Variants in PACRG observed in about 807,000 individuals in gnomAD.
PACRG encodes parkin coregulated gene protein.
PACRG carries 29 observed loss-of-function variants against 29.7 expected under a neutral mutation model. That is an observed-to-expected ratio of 0.98 (90% CI 0.73 to 1.33). The LOEUF (loss-of-function observed/expected upper bound fraction) is 1.33. Among genes scored for constraint, PACRG ranks in the 40% most tolerant of loss-of-function variants. The pLI, the probability that PACRG is intolerant of heterozygous loss-of-function variation, is 0.00. For synonymous variants in PACRG, 116 were observed against 118.7 expected (o/e 0.98, Z 0.15); for missense variants, 279 against 316.2 (o/e 0.88, Z 0.89).
At chr6:162,909,459 G>A (rs1182329852) in intron 2 of PACRG, among the ~76,000 whole-genome samples, 1 of 150,738 alleles carries the variant, frequency 6.6e-6, no homozygotes, top group Non-Finnish European at 1.5e-5. Context: ...GGAGGCTGAG[G>A]CAGGAGAATG....
At chr6:162,865,511 C>G (rs73019550) in intron 2 of PACRG, among the ~76,000 whole-genome samples, 11 of 152,246 alleles carry the variant, frequency 7.2e-5, no homozygotes, top group Non-Finnish European at 1.5e-4. Flanking sequence ...GCCTTTTAAA[C>G]TTTCTAAAGA....
chr6:163,156,098 C>A (rs1778303158), intron 4 of PACRG, among the ~76,000 whole-genome samples: 1 of 152,224 alleles, frequency 6.6e-6, no homozygotes, highest in South Asian at 2.1e-4. Flanking sequence ...GGGAAAGTTT[C>A]TCCCATCTGG....
chr6:162,807,757 T>C (rs1019757897), intron 1 of PACRG, among the ~76,000 whole-genome samples: 2 of 152,126 alleles, frequency 1.3e-5, no homozygotes, highest in African/African-American at 4.8e-5. Flanking sequence ...GAGCCGATGC[T>C]GTTGGAAAAA....
At chr6:163,129,406 A>T (rs1305165359) in intron 4 of PACRG, among the ~76,000 whole-genome samples, 1 of 152,200 alleles carries the variant, frequency 6.6e-6, no homozygotes, top group Non-Finnish European at 1.5e-5. Context: ...GGGCAAAAAG[A>T]TGACCAGGTG....
chr6:163,237,169 A>G (rs1782278003), intron 4 of PACRG, among the ~76,000 whole-genome samples: 1 of 151,866 alleles, frequency 6.6e-6, no homozygotes, highest in South Asian at 2.1e-4. Flanking sequence ...ATTACTTAGC[A>G]TGATGAATTT....
At chr6:163,144,369 C>CACACACACT (rs1554372289) in intron 4 of PACRG, among the ~76,000 whole-genome samples, 90 of 150,360 alleles carry the variant, frequency 6.0e-4, no homozygotes, top group African/African-American at 2.1e-3. Context: ...CACACACACA[C>CACACACACT]AGTTATATTA....
At chr6:163,022,305 A>T (rs1243444072) in intron 2 of PACRG, among the ~76,000 whole-genome samples, 1 of 152,220 alleles carries the variant, frequency 6.6e-6, no homozygotes, top group Non-Finnish European at 1.5e-5. Flanking sequence ...AGCTAAACAC[A>T]TGATGTAATA....
intron 4 of PACRG, chr6:163,191,867 C>A: frequency 2.4e-6 from 1 of 421,738 alleles, no homozygotes; most frequent in Admixed American, 2.5e-5. Flanking sequence ...CACACCCCGC[C>A]TGGTGTCTCA....
At position 162,728,711 on chromosome 6, in the gene PACRG, G is replaced by T. The variant is rs145778840; in HGVS notation, c.156+320G>T. Among the ~76,000 whole-genome samples the T allele has an allele frequency of 5.0e-4, 76 of 152,174 alleles. 1 individual carries two copies. The East Asian group carries it at 9.9e-3, about 20-fold the overall frequency. ...CCCTTTACTTACTAATTCCTAACTAGCCCCACTCAGCAAAGGGCCTTATAG... is the reference window on the plus strand; with the variant it reads ...CCCTTTACTTACTAATTCCTAACTATCCCCACTCAGCAAAGGGCCTTATAG... On this transcript the variant is annotated intron_variant, in intron 1 of 4. Transcript: ENST00000366888.
chr6:163,082,147 T>C (rs1390097967), intron 3 of PACRG, among the ~76,000 whole-genome samples: 2 of 152,184 alleles, frequency 1.3e-5, no homozygotes, highest in Non-Finnish European at 2.9e-5. Context: ...TAAATAATTT[T>C]ACACAAATAA....
intron 1 of PACRG, among the ~76,000 whole-genome samples, chr6:162,790,633 T>C (rs1475269619): frequency 6.6e-6 from 1 of 152,146 alleles, no homozygotes; most frequent in Non-Finnish European, 1.5e-5. Context: ...CATCTTACTG[T>C]ATATATCCCT....
intron 4 of PACRG, among the ~76,000 whole-genome samples, chr6:163,169,898 C>T (rs1466485380): frequency 6.6e-6 from 1 of 152,210 alleles, no homozygotes; most frequent in African/African-American, 2.4e-5. Context: ...AGATCGGTTT[C>T]TCATGGGGCC....
At chr6:162,949,478 A>T (rs1244283479) in intron 2 of PACRG, among the ~76,000 whole-genome samples, 1 of 152,176 alleles carries the variant, frequency 6.6e-6, no homozygotes, top group Non-Finnish European at 1.5e-5. Context: ...GGTGTATTGT[A>T]TATCTCAAAG....
chr6:163,144,238 A>C (rs1777690289), intron 4 of PACRG, among the ~76,000 whole-genome samples: 3 of 150,986 alleles, frequency 2.0e-5, no homozygotes, highest in Non-Finnish European at 2.9e-5. Flanking sequence ...CAAAACAAAA[A>C]AAAAAAAAAA....
chr6:163,161,108 G>A (rs908874976), intron 4 of PACRG, among the ~76,000 whole-genome samples: 2 of 151,648 alleles, frequency 1.3e-5, no homozygotes, highest in African/African-American at 2.4e-5. Flanking sequence ...CCATCTTCCG[G>A]GTCATGTAAT....
chr6:163,087,544 GACC>G, intron 3 of PACRG, among the ~76,000 whole-genome samples: 1 of 149,648 alleles, frequency 6.7e-6, no homozygotes, highest in African/African-American at 2.5e-5. Context: ...TAAGGATGGA[GACC>G]AGGACCAGGG....
At position 163,177,516 on chromosome 6, in the gene PACRG, C is replaced by G. The variant is rs529184679; in HGVS notation, c.613+88108C>G. ...TACACAAAGGAAAGAAAATAAAAGA[C>G]CAAGCGTGAAGAAAGGCTCCAGGCT... On this transcript the variant is annotated intron_variant, in intron 4 of 4. Coordinates refer to ENST00000366888, the MANE Select transcript of PACRG (RefSeq NM_001080379.2). Among the ~76,000 whole-genome samples the G allele has an allele frequency of 1.2e-4, 19 of 152,028 alleles. No homozygotes were observed. In the South Asian group the frequency reaches 3.3e-3, roughly 27 times the overall value.
intron 4 of PACRG, among the ~76,000 whole-genome samples, chr6:163,199,863 G>A (rs1251941980): frequency 6.6e-6 from 1 of 152,156 alleles, no homozygotes; most frequent in Non-Finnish European, 1.5e-5. Context: ...TATATACATA[G>A]ATAGCTACAA....
intron 2 of PACRG, among the ~76,000 whole-genome samples, chr6:162,898,989 A>C (rs1159197736): frequency 6.6e-6 from 1 of 152,186 alleles, no homozygotes; most frequent in Admixed American, 6.5e-5. Flanking sequence ...TATAAACCAA[A>C]GAAAGTGAGT....
Sources: allele counts gnomAD v4.1 joint callset (sites outside exome capture counted in the v4.1 genomes callset), GRCh38; gene constraint gnomAD v4.1.1; transcripts MANE v1.5; gene names NCBI Gene and HGNC (gene_info 2026-07-23, HGNC 2026-07-21).